Variants in PGGT1B observed in about 807,000 individuals in gnomAD.
The protein encoded by PGGT1B is geranylgeranyl transferase type-1 subunit beta.
A neutral mutation model predicts 46.1 loss-of-function variants in PGGT1B; 30 were observed. That is an observed-to-expected ratio of 0.65 (90% CI 0.49 to 0.88). The LOEUF is 0.88. Among genes scored for constraint, PGGT1B ranks in the 40% least tolerant of loss-of-function variants. PGGT1B has a pLI of 0.00. For synonymous variants in PGGT1B, 170 were observed against 160.0 expected (o/e 1.06, Z -0.47); for missense variants, 376 against 455.9 (o/e 0.82, Z 1.60).
At chr5:115,214,398 A>G (rs73255427) in intron 8 of PGGT1B, among the ~76,000 whole-genome samples, 2,037 of 152,306 alleles carry the variant, frequency 0.013, 48 homozygotes, top group African/African-American at 0.046. Context: ...ATGTTGAAAT[A>G]TATATTTACT....
intron 4 of PGGT1B, 92 bp downstream of exon 4, chr5:115,237,766 T>A: frequency 1.9e-6 from 2 of 1,044,392 alleles, no homozygotes; most frequent in Non-Finnish European, 2.7e-6. Context: ...TAGAGTATGA[T>A]CCTCTAAAGA....
rs530216403 is a variant in PGGT1B, at chr5:115,244,577, C to T, written c.260-2971G>A. On this transcript the variant is annotated intron_variant, in intron 2 of 8. Coordinates refer to ENST00000419445, the MANE Select transcript of PGGT1B (RefSeq NM_005023.4). ...AAATAAAAAGTTATCTTTCTCTTAC[C>T]AAGTTATGAATTCATTTATCCTTTT... is the stretch of plus-strand genomic sequence containing the variant. 3.6e-4 allele frequency among the ~76,000 whole-genome samples: 54 copies of T among 150,916 alleles called. No homozygotes were observed. In the South Asian group the frequency reaches 0.011, roughly 31 times the overall value.
intron 2 of PGGT1B, among the ~76,000 whole-genome samples, chr5:115,250,718 C>A (rs1748057311): frequency 6.6e-6 from 1 of 152,082 alleles, no homozygotes; most frequent in South Asian, 2.1e-4. Context: ...GCTCCATGAA[C>A]TTTTTCAAAA....
chr5:115,212,506 G>C lies in PGGT1B; in HGVS notation c.1030C>G (p.Leu344Val). 6.2e-7 allele frequency: 1 copy of C among 1,613,580 alleles called. No homozygotes were observed. Among genetic ancestry groups the C allele is most frequent in the Non-Finnish European group, 8.5e-7 (1 of 1,179,616 alleles). ...ESGICKVHPA[L>V]NVSTRTSERL... The stretch of plus-strand genomic sequence containing the variant: ...TCAGAAGTCCGTGTGCTTACATTCA[G>C]AGCAGGATGAACTTTACAAATTCCA... Residue 344 changes from leucine (L) to valine (V), a missense_variant, in exon 9 of 9, where the codon CTG becomes GTG. Leu to Val is a conservative substitution (Grantham distance 32, BLOSUM62 1). Transcript: ENST00000419445.
Position 115,236,433 on chromosome 5 carries a change from C to A in PGGT1B, c.569G>T (p.Gly190Val). 6.3e-7 allele frequency: 1 copy of A among 1,595,424 alleles called. No homozygotes were observed. The highest frequency in any genetic ancestry group is 8.5e-7 in the Non-Finnish European group (1 of 1,172,892). The stretch of plus-strand genomic sequence containing the variant: ...GGTGATGGCTTTTTTCATATCCATG[C>A]CTGACCAGTTGTTGAGCATATAGCA... ...CICYMLNNWS[G>V]MDMKKAITYI... Residue 190 changes from glycine to valine, a missense_variant, in exon 5 of 9, where the codon GGC becomes GTC. Transcript: ENST00000419445.
At chr5:115,224,833 CAAA>C (rs551706210) in intron 6 of PGGT1B, among the ~76,000 whole-genome samples, 1 of 65,736 alleles carries the variant, frequency 1.5e-5, no homozygotes, top group Admixed American at 1.6e-4. Flanking sequence ...GACTATGTCT[CAAA>C]AAAAAAAAAA....
chr5:115,212,374 T>TGGG lies in PGGT1B; in HGVS notation c.*27_*28insCCC. 5.8e-6 allele frequency: 9 copies of TGGG among 1,554,714 alleles called. No individual in the cohort carries two copies. Among genetic ancestry groups the TGGG allele is most frequent in the South Asian group, 1.1e-5 (1 of 90,218 alleles). The stretch of plus-strand genomic sequence containing the variant: ...ACTTGAGCTACAGTTATGCTACAAA[T>TGGG]CCCCCCACCCTCCCAATCTAAAATC... On this transcript the variant is annotated 3_prime_UTR_variant, in exon 9 of 9. Transcript: ENST00000419445.
chr5:115,254,558 C>T (rs375973619), intron 1 of PGGT1B, among the ~76,000 whole-genome samples: 1 of 150,278 alleles, frequency 6.7e-6, no homozygotes, highest in Non-Finnish European at 1.5e-5. Flanking sequence ...GATGCTCAAT[C>T]TGTACCAACT....
chr5:115,217,317 T>G (rs202015768), intron 7 of PGGT1B, among the ~76,000 whole-genome samples: 1 of 132,494 alleles, frequency 7.5e-6, no homozygotes, highest in Non-Finnish European at 1.7e-5. Flanking sequence ...TTAACTCTTA[T>G]GATAAGCTCT....
At chr5:115,234,813 T>C (rs1580761378) in intron 5 of PGGT1B, among the ~76,000 whole-genome samples, 1 of 152,018 alleles carries the variant, frequency 6.6e-6, no homozygotes, top group African/African-American at 2.4e-5. Flanking sequence ...ATTTGAGGCA[T>C]CACGATAGAT....
At position 115,204,645 on chromosome 5, in the gene PGGT1B, A is replaced by G. The variant is rs1373853628; in HGVS notation, c.*7757T>C. ...CAGGCACTCTCATACCTTGTTGTTG[A>G]GTTTATGAATGGCTACACTGTTTCT... On this transcript the variant is annotated 3_prime_UTR_variant, in exon 9 of 9. Coordinates refer to ENST00000419445, the MANE Select transcript of PGGT1B (RefSeq NM_005023.4). 1 of 152,186 alleles carries G rather than the reference A, an allele frequency of 6.6e-6. No homozygotes were observed. The highest frequency in any genetic ancestry group is 1.5e-5 in the Non-Finnish European group (1 of 68,026). 9.4% of individuals were successfully genotyped at this position (152,186 alleles called of 1,614,324 possible). A position where few individuals can be genotyped will look rare whatever the true frequency, so the allele number is the denominator to read the frequency against.
chr5:115,244,064 T>C (rs143795834), intron 2 of PGGT1B, among the ~76,000 whole-genome samples: 10 of 152,232 alleles, frequency 6.6e-5, no homozygotes, highest in African/African-American at 2.2e-4. Flanking sequence ...GTCAGTTGAT[T>C]AGTATAACTT....
chr5:115,258,120 C>A (rs554733105), intron 1 of PGGT1B, among the ~76,000 whole-genome samples: 1 of 152,310 alleles, frequency 6.6e-6, no homozygotes, highest in Admixed American at 6.5e-5. Context: ...GAAACATCTA[C>A]TGAACACCTA....
At chr5:115,256,870 G>T (rs1178417255) in intron 1 of PGGT1B, among the ~76,000 whole-genome samples, 1 of 152,152 alleles carries the variant, frequency 6.6e-6, no homozygotes, top group Non-Finnish European at 1.5e-5. Context: ...GGGTAATTGT[G>T]CGAACACACG....
intron 5 of PGGT1B, among the ~76,000 whole-genome samples, chr5:115,236,079 A>G (rs1252196620): frequency 1.3e-5 from 2 of 152,126 alleles, no homozygotes; most frequent in African/African-American, 2.4e-5. Context: ...ACTCTCTACT[A>G]ACTCCTGCTA....
At chr5:115,215,010 A>AC (rs962985297) in intron 8 of PGGT1B, among the ~76,000 whole-genome samples, 7 of 152,270 alleles carry the variant, frequency 4.6e-5, no homozygotes, top group Admixed American at 4.6e-4. Flanking sequence ...CTACTGATTG[A>AC]TTGATTGAGA....
At chr5:115,234,670 T>C (rs1179261035) in intron 5 of PGGT1B, among the ~76,000 whole-genome samples, 3 of 151,980 alleles carry the variant, frequency 2.0e-5, no homozygotes, top group Non-Finnish European at 4.4e-5. Flanking sequence ...TTTGACTATA[T>C]GCCCTCAGAC....
intron 1 of PGGT1B, among the ~76,000 whole-genome samples, chr5:115,260,528 C>T (rs1440701438): frequency 6.6e-6 from 1 of 151,994 alleles, no homozygotes; most frequent in Non-Finnish European, 1.5e-5. Context: ...TCTTCACAAG[C>T]ATTTTAAAGT....
intron 8 of PGGT1B, among the ~76,000 whole-genome samples, chr5:115,213,459 T>C (rs1372041357): frequency 1.3e-5 from 2 of 152,174 alleles, no homozygotes; most frequent in African/African-American, 2.4e-5. Context: ...CCGACATTTA[T>C]GGCCTTAAGA....
Sources: gnomAD v4.1 joint callset for allele counts (sites outside exome capture counted in the v4.1 genomes callset) on GRCh38, gnomAD v4.1.1 for gene constraint, MANE v1.5 for transcripts, NCBI Gene and HGNC (gene_info 2026-07-23, HGNC 2026-07-21) for gene names.